Variants in SORL1 observed in about 807,000 individuals in gnomAD.
SORL1 encodes sortilin related receptor 1, also known as sortilin-related receptor.
In SORL1, 127 loss-of-function variants were observed where a neutral mutation model predicts 273.7. That is an observed-to-expected ratio of 0.46 (90% confidence interval 0.40 to 0.54). The LOEUF is 0.54. Ranked by LOEUF, SORL1 falls within the 20% of genes least tolerant of loss-of-function variation. The probability of loss-of-function intolerance (pLI) is 0.00; values close to 1 mark genes in which losing one functional copy is unlikely to be tolerated. For missense variants in SORL1, 2,494 were observed against 2,846.1 expected, an observed-to-expected ratio of 0.88 and a Z score of 2.81; for synonymous variants, 1,031 against 1,067.4, an observed-to-expected ratio of 0.97 and a Z score of 0.66.
chr11:121,543,047 C>T (rs1390415864), intron 12 of SORL1, among the ~76,000 whole-genome samples: 5 of 150,650 alleles, frequency 3.3e-5, no homozygotes, highest in East Asian at 1.9e-4. Context: ...AAAAATTAGC[C>T]GGGTGTGGTG....
chr11:121,620,971 C>T lies in SORL1; in HGVS notation c.5890-93C>T, dbSNP rs548971448. ...AAACTCTTGTTGCTGTGGGTCCCAGCTATTAATATACTACATTGTCCACCA... is the reference window on the plus strand; with the variant it reads ...AAACTCTTGTTGCTGTGGGTCCCAGTTATTAATATACTACATTGTCCACCA... On this transcript the variant is annotated intron_variant, in intron 43 of 47. Coordinates refer to ENST00000260197, the MANE Select transcript of SORL1 (RefSeq NM_003105.6). The T allele has an allele frequency of 9.5e-5, 85 of 898,370 alleles. 1 individual carries two copies. Among genetic ancestry groups the T allele is most frequent in the Admixed American group, 5.2e-4 (20 of 38,656 alleles). 55.6% of individuals were successfully genotyped at this position (898,370 alleles called of 1,614,324 possible).
Position 121,543,585 on chromosome 11 carries a change from A to G in SORL1, c.1723A>G (p.Ile575Val). 2 of 1,614,118 alleles carry G rather than the reference A, an allele frequency of 1.2e-6. No individual in the cohort carries two copies. Among genetic ancestry groups the G allele is most frequent in the Non-Finnish European group, 1.7e-6 (2 of 1,179,938 alleles). ...TNEGETWKTF[I>V]FSEKPVFVYG... is the part of the protein sequence containing the mutation. The stretch of plus-strand genomic sequence containing the variant: ...TGAAGGGGAGACCTGGAAAACATTC[A>G]TCTTCTCTGAGAAGCCAGTGTTTGT... Residue 575 changes from isoleucine to valine, a missense_variant, in exon 13 of 48, where the codon ATC becomes GTC. Physicochemically the swap from Ile to Val is conservative, Grantham distance 29 (BLOSUM62 3). Transcript: ENST00000260197.
intron 3 of SORL1, among the ~76,000 whole-genome samples, chr11:121,480,199 A>G (rs897537798): frequency 2.0e-5 from 3 of 152,222 alleles, no homozygotes; most frequent in Admixed American, 6.5e-5. Context: ...AAAAATAACT[A>G]TGAGAGGGAA....
intron 5 of SORL1, among the ~76,000 whole-genome samples, 179 bp downstream of exon 5, chr11:121,490,289 G>T (rs190582078): frequency 1.3e-5 from 2 of 152,258 alleles, no homozygotes; most frequent in Admixed American, 1.3e-4. Flanking sequence ...GAGAGAGTTG[G>T]GGGGAGGAGA....
In SORL1 at chr11:121,566,999, A is replaced by G; in HGVS notation, c.3109A>G (p.Ser1037Gly). Residue 1037 changes from serine to glycine, a missense_variant, in exon 22 of 48, where the codon AGT becomes GGT. Ser to Gly is a moderately conservative substitution (Grantham distance 56). Transcript: ENST00000260197. Reference sequence around the variant, plus strand: ...GCTGTGCCTGCCCAAGGCCAACAACAGTAGAAGCTGCAGGTGTCCAGAGGA... The same window carrying G: ...GCTGTGCCTGCCCAAGGCCAACAACGGTAGAAGCTGCAGGTGTCCAGAGGA... Reference protein sequence around the residue: ...SLLCLPKANNSRSCRCPEDVS... With the variant: ...SLLCLPKANNGRSCRCPEDVS... 6.2e-7 allele frequency: 1 copy of G among 1,614,184 alleles called. No individual in the cohort carries two copies. The highest frequency in any genetic ancestry group is 8.5e-7 in the Non-Finnish European group (1 of 1,180,010).
chr11:121,617,176 G>A (rs995766512), intron 41 of SORL1, among the ~76,000 whole-genome samples: 8 of 152,188 alleles, frequency 5.3e-5, no homozygotes, highest in African/African-American at 1.9e-4. Flanking sequence ...TCTTTAAAAG[G>A]TGCAAGACTT....
intron 40 of SORL1, 69 bp from the exon 41 acceptor site, chr11:121,614,802 T>C (rs1863615599): frequency 4.7e-6 from 6 of 1,278,198 alleles, no homozygotes; most frequent in Admixed American, 1.9e-5. Context: ...AAAAAGTGCA[T>C]GTACCAAGAC....
At chr11:121,516,337 T>C (rs1448450119) in intron 8 of SORL1, among the ~76,000 whole-genome samples, 1 of 152,186 alleles carries the variant, frequency 6.6e-6, no homozygotes, top group Non-Finnish European at 1.5e-5. Context: ...ATGGGATTTG[T>C]TGATAGATGG....
chr11:121,531,213 G>A (rs950500350), intron 11 of SORL1, among the ~76,000 whole-genome samples: 1 of 152,126 alleles, frequency 6.6e-6, no homozygotes, highest in Non-Finnish European at 1.5e-5. Flanking sequence ...GACCAACATG[G>A]TGAAACCCTG....
intron 1 of SORL1, among the ~76,000 whole-genome samples, chr11:121,456,321 G>A (rs951378641): frequency 1.3e-5 from 2 of 152,190 alleles, no homozygotes; most frequent in Non-Finnish European, 2.9e-5. Context: ...TCATCTTCCT[G>A]TTTGCTCCTT....
At chr11:121,517,982 G>C (rs928978187) in intron 8 of SORL1, among the ~76,000 whole-genome samples, 1 of 152,112 alleles carries the variant, frequency 6.6e-6, no homozygotes, top group Non-Finnish European at 1.5e-5. Context: ...AACTGCTTCT[G>C]ATTTACTCAG....
chr11:121,512,878 T>C, intron 6 of SORL1, 125 bp from the exon 7 acceptor site: 1 of 681,824 alleles, frequency 1.5e-6, no homozygotes, highest in Non-Finnish European at 2.5e-6. Flanking sequence ...GAATTTGCAA[T>C]CACAGTCTCT....
Position 121,545,392 on chromosome 11 carries a change from G to A in SORL1, c.2014G>A (p.Val672Met), listed in dbSNP as rs571700923. Reference protein sequence around the residue: ...NGEDFDRPVVVSNCSCTREDY... With the variant: ...NGEDFDRPVVMSNCSCTREDY... The stretch of plus-strand genomic sequence containing the variant: ...AGAGGACTTTGACAGGCCGGTGGTC[G>A]TGTCCAACTGCTCCTGCACCCGGGA... Residue 672 changes from valine (V) to methionine (M), a missense_variant, in exon 14 of 48, where the codon GTG becomes ATG. Coordinates refer to ENST00000260197, the MANE Select transcript of SORL1 (RefSeq NM_003105.6). The A allele has an allele frequency of 1.8e-5, 29 of 1,614,144 alleles. No homozygotes were observed. The highest frequency in any genetic ancestry group is 1.1e-4 in the South Asian group (10 of 91,086).
intron 8 of SORL1, among the ~76,000 whole-genome samples, chr11:121,514,552 TCTGAGA>T (rs3832761): frequency 0.025 from 3,808 of 152,230 alleles, 291 homozygotes; most frequent in East Asian, 0.19. Context: ...TGCAGCCAAG[TCTGAGA>T]ACTACAGCTC....
intron 12 of SORL1, 98 bp downstream of exon 12, chr11:121,532,650 T>A: frequency 2.0e-6 from 2 of 1,009,058 alleles, no homozygotes; most frequent in Non-Finnish European, 3.0e-6. Flanking sequence ...ACTATGTTGT[T>A]GACAGCACAA....
chr11:121,568,266 G>A (rs1862781739), intron 22 of SORL1, among the ~76,000 whole-genome samples: 1 of 152,180 alleles, frequency 6.6e-6, no homozygotes, highest in South Asian at 2.1e-4. Flanking sequence ...AAGCCTTTTA[G>A]TCAATCTTCC....
At chr11:121,524,813 A>G (rs1170250867) in intron 11 of SORL1, among the ~76,000 whole-genome samples, 1 of 152,128 alleles carries the variant, frequency 6.6e-6, no homozygotes, top group Non-Finnish European at 1.5e-5. Context: ...GCACATATTT[A>G]AAGTGTACAG....
At chr11:121,529,443 C>G (rs1010845020) in intron 11 of SORL1, among the ~76,000 whole-genome samples, 1 of 152,184 alleles carries the variant, frequency 6.6e-6, no homozygotes, top group African/African-American at 2.4e-5. Context: ...TCTTGAACTC[C>G]TGACCTCAAG....
intron 18 of SORL1, chr11:121,557,073 T>C (rs1029784608): frequency 7.4e-6 from 4 of 538,322 alleles, no homozygotes; most frequent in Admixed American, 3.1e-5. Context: ...CCCTGGAAAC[T>C]GGGGCTTACA....
Sources: gnomAD v4.1 joint callset for allele counts (sites outside exome capture counted in the v4.1 genomes callset) on GRCh38, gnomAD v4.1.1 for gene constraint, MANE v1.5 for transcripts, NCBI Gene and HGNC (gene_info 2026-07-23, HGNC 2026-07-21) for gene names.